Variants in MAML3 observed in about 807,000 individuals in gnomAD.
MAML3 encodes the protein mastermind-like protein 3.
Under a neutral mutation model 101.9 loss-of-function variants are expected in MAML3, and 27 were observed. The ratio of observed to expected loss-of-function variants is 0.27; its 90% CI spans 0.20 to 0.37. The LOEUF (loss-of-function observed/expected upper bound fraction) is 0.37. Among genes scored for constraint, MAML3 ranks in the 10% least tolerant of loss-of-function variants. The pLI is 1.00. For missense variants in MAML3, 1,316 were observed against 1,444.9 expected (o/e 0.91, Z 1.45); for synonymous variants, 501 against 555.9 (o/e 0.90, Z 1.39).
At position 139,719,423 on chromosome 4, in the gene MAML3, G is replaced by C; in HGVS notation, c.3317C>G (p.Pro1106Arg). The C allele has an allele frequency of 6.2e-7, 1 of 1,614,020 alleles. No homozygotes were observed. The highest frequency in any genetic ancestry group is 8.5e-7 in the Non-Finnish European group (1 of 1,179,894). Residue 1106 changes from proline to arginine, a missense_variant, in exon 5 of 5, where the codon CCT becomes CGT. Pro to Arg is a moderately radical substitution (Grantham distance 103, BLOSUM62 -2). Coordinates refer to ENST00000509479, the MANE Select transcript of MAML3 (RefSeq NM_018717.5). Reference protein sequence around the residue: ...YSGDGAGGSFPGLPDGADLVD... With the variant: ...YSGDGAGGSFRGLPDGADLVD... ...AAGGTCTGCACCGTCCGGGAGGCCA[G>C]GGAAGGAACCCCCAGCTCCGTCGCC... is the stretch of plus-strand genomic sequence containing the variant.
At chr4:139,951,991 C>T (rs552670346) in intron 1 of MAML3, among the ~76,000 whole-genome samples, 2 of 152,228 alleles carry the variant, frequency 1.3e-5, no homozygotes, top group South Asian at 4.1e-4. Context: ...TGGTGAAACC[C>T]TGTCTCTACT....
At chr4:140,011,137 ACACATATGTCATATATATT>A (rs1460864498) in intron 1 of MAML3, among the ~76,000 whole-genome samples, 48,051 of 111,048 alleles carry the variant, frequency 0.43, 10,680 homozygotes, top group East Asian at 0.6. Context: ...ATATATATAT[ACACATATGTCATATATATT>A]TATATATATG....
intron 1 of MAML3, among the ~76,000 whole-genome samples, chr4:140,004,081 A>G (rs1348564896): frequency 1.3e-5 from 2 of 152,218 alleles, no homozygotes; most frequent in African/African-American, 4.8e-5. Context: ...TTAATGCTTT[A>G]CTTTGCACGA....
At chr4:139,733,759 A>T (rs1728817884) in intron 2 of MAML3, among the ~76,000 whole-genome samples, 1 of 152,098 alleles carries the variant, frequency 6.6e-6, no homozygotes, top group Non-Finnish European at 1.5e-5. Context: ...ATCATAGCTC[A>T]CTGCAACCTC....
At chr4:140,073,904 C>T (rs377738088) in intron 1 of MAML3, among the ~76,000 whole-genome samples, 2 of 151,660 alleles carry the variant, frequency 1.3e-5, no homozygotes, top group Admixed American at 6.6e-5. Context: ...GAGGCCGAGG[C>T]GGGCAGATCA....
At chr4:139,949,077 G>A (rs6838390) in intron 1 of MAML3, among the ~76,000 whole-genome samples, 5,514 of 152,014 alleles carry the variant, frequency 0.036, 312 homozygotes, top group African/African-American at 0.13. Context: ...GTGCAGTGGC[G>A]CGATCTCGGC....
intron 1 of MAML3, among the ~76,000 whole-genome samples, chr4:140,151,773 T>C (rs1729175516): frequency 6.7e-6 from 1 of 150,106 alleles, no homozygotes; most frequent in Admixed American, 6.6e-5. Context: ...AGAGGGGAGA[T>C]AAGAGAAAGG....
intron 1 of MAML3, among the ~76,000 whole-genome samples, chr4:139,949,887 A>G (rs1360248303): frequency 1.3e-5 from 2 of 152,220 alleles, no homozygotes; most frequent in African/African-American, 4.8e-5. Flanking sequence ...GGTAAAGCAG[A>G]TTACTCTCTA....
chr4:140,075,626 T>C (rs2110960868), intron 1 of MAML3, among the ~76,000 whole-genome samples: 1 of 152,346 alleles, frequency 6.6e-6, no homozygotes, highest in African/African-American at 2.4e-5. Context: ...AGCCTGGAAC[T>C]CTTGGGCTCA....
chr4:139,886,941 G>T lies in MAML3; in HGVS notation c.2079+2416C>A, dbSNP rs970784816. ...AACATCTGTAAAAGACAATTTTCTT[G>T]AAATAAACGTGCCTAAAAGGCTTTG... On this transcript the variant is annotated intron_variant, in intron 2 of 4. Transcript: ENST00000509479. 2.6e-5 allele frequency among the ~76,000 whole-genome samples: 4 copies of T among 152,150 alleles called. No homozygotes were observed. The South Asian group carries it at 8.3e-4, about 32-fold the overall frequency.
At chr4:139,765,662 C>T (rs1340810438) in intron 2 of MAML3, among the ~76,000 whole-genome samples, 1 of 152,126 alleles carries the variant, frequency 6.6e-6, no homozygotes, top group Admixed American at 6.6e-5. Flanking sequence ...TTGGAAAATG[C>T]TTAGAAGTCT....
At chr4:139,905,686 T>A (rs1401469065) in intron 1 of MAML3, among the ~76,000 whole-genome samples, 1 of 152,112 alleles carries the variant, frequency 6.6e-6, no homozygotes, top group Non-Finnish European at 1.5e-5. Context: ...AGGGTTGGTT[T>A]CTCCTGTGCC....
chr4:139,889,909 T>TTGCTGCTGCTGCTGCTGCTGC lies in MAML3; in HGVS notation c.1506_1526dup (p.Gln504_Gln510dup), dbSNP rs58015886. ...AATTTGAAGTCTGATTTGAGTGCTG[T>TTGCTGCTGCTGCTGCTGCTGC]TGCTGCTGCTGCTGCTGCTGCTGCT... On this transcript the variant is annotated inframe_insertion, in exon 2 of 5. Coordinates refer to ENST00000509479, the MANE Select transcript of MAML3 (RefSeq NM_018717.5). 56 of 1,476,648 alleles carry TTGCTGCTGCTGCTGCTGCTGC rather than the reference T, an allele frequency of 3.8e-5. No individual in the cohort carries two copies. The East Asian group carries it at 9.5e-4, about 25-fold the overall frequency. 91.5% of individuals were successfully genotyped at this position (1,476,648 alleles called of 1,614,324 possible). A position where few individuals can be genotyped will look rare whatever the true frequency, so the allele number is the denominator to read the frequency against.
At chr4:140,027,095 T>C (rs573750133) in intron 1 of MAML3, among the ~76,000 whole-genome samples, 5 of 150,868 alleles carry the variant, frequency 3.3e-5, no homozygotes, top group African/African-American at 1.2e-4. Context: ...TGTTGAGCAG[T>C]GAGTTTGCAC....
chr4:140,149,379 C>G (rs1729118027), intron 1 of MAML3, among the ~76,000 whole-genome samples: 1 of 152,192 alleles, frequency 6.6e-6, no homozygotes. Flanking sequence ...AACCCAGCCC[C>G]CTCTGTGGCA....
chr4:140,058,166 T>C (rs1365531839), intron 1 of MAML3, among the ~76,000 whole-genome samples: 2 of 152,158 alleles, frequency 1.3e-5, no homozygotes, highest in Non-Finnish European at 2.9e-5. Flanking sequence ...TAACAAATAA[T>C]GGACAAGGAA....
intron 2 of MAML3, among the ~76,000 whole-genome samples, chr4:139,846,372 G>A (rs1203205621): frequency 6.6e-6 from 1 of 151,540 alleles, no homozygotes; most frequent in Non-Finnish European, 1.5e-5. Context: ...TGTGAGACAG[G>A]GTCTCACTCT....
intron 1 of MAML3, among the ~76,000 whole-genome samples, chr4:139,957,101 G>C (rs1270250828): frequency 6.6e-6 from 1 of 152,196 alleles, no homozygotes; most frequent in Non-Finnish European, 1.5e-5. Flanking sequence ...GTTAGGCCCA[G>C]TCTACTTTCA....
At chr4:139,928,209 C>T (rs1733305837) in intron 1 of MAML3, among the ~76,000 whole-genome samples, 1 of 152,160 alleles carries the variant, frequency 6.6e-6, no homozygotes, top group Non-Finnish European at 1.5e-5. Flanking sequence ...CCTCTACTAC[C>T]CTCCTTTAAC....
Sources: allele counts gnomAD v4.1 joint callset (sites outside exome capture counted in the v4.1 genomes callset), GRCh38; gene constraint gnomAD v4.1.1; transcripts MANE v1.5; gene names NCBI Gene and HGNC (gene_info 2026-07-23, HGNC 2026-07-21).